The following RGL1 variants were observed in gnomAD, a reference collection of about 807,000 sequenced individuals.
RGL1 encodes ral guanine nucleotide dissociation stimulator-like 1.
RGL1 carries 24 observed loss-of-function variants against 95.2 expected under a neutral mutation model. The ratio of observed to expected loss-of-function variants is 0.25; its 90% CI spans 0.18 to 0.35. RGL1 has a LOEUF of 0.35. Among genes scored for constraint, RGL1 ranks in the 10% least tolerant of loss-of-function variants. The pLI is 1.00. For synonymous variants in RGL1, 329 were observed against 344.9 expected (o/e 0.95, Z 0.51); for missense variants, 715 against 936.3 (o/e 0.76, Z 3.08).
chr1:183,797,328 C>A (rs1011780189), intron 2 of RGL1, among the ~76,000 whole-genome samples: 1 of 150,916 alleles, frequency 6.6e-6, no homozygotes, highest in Non-Finnish European at 1.5e-5. Context: ...GACTCCATCT[C>A]AAAAAAAAAT....
intron 1 of RGL1, among the ~76,000 whole-genome samples, chr1:183,697,042 C>T (rs1226184534): frequency 6.6e-6 from 1 of 152,156 alleles, no homozygotes; most frequent in African/African-American, 2.4e-5. Flanking sequence ...CAGTAGCTCC[C>T]AATTACAATA....
At chr1:183,905,070 G>A (rs557502987) in intron 13 of RGL1, 99 bp downstream of exon 13, 27 of 1,421,242 alleles carry the variant, frequency 1.9e-5, no homozygotes, top group Admixed American at 7.3e-5. Flanking sequence ...CAACTATTTA[G>A]TGAGCAGCTG....
chr1:183,738,440 A>T (rs924420966), intron 1 of RGL1, among the ~76,000 whole-genome samples: 1 of 152,086 alleles, frequency 6.6e-6, no homozygotes, highest in Non-Finnish European at 1.5e-5. Context: ...AGAAAGAAAA[A>T]GAAAGAAGTC....
chr1:183,887,765 C>T (rs74133020), intron 7 of RGL1, among the ~76,000 whole-genome samples: 2,617 of 152,276 alleles, frequency 0.017, 83 homozygotes, highest in African/African-American at 0.061. Flanking sequence ...TCTCCTTACC[C>T]AGAAAATGGC....
At chr1:183,802,300 C>A (rs1661035302), upstream of RGL1, among the ~76,000 whole-genome samples, 1 of 152,090 alleles carries the variant, frequency 6.6e-6, no homozygotes, top group Non-Finnish European at 1.5e-5. Context: ...ATCTGTGTGT[C>A]TGTCTTTATG....
chr1:183,655,474 C>T (rs1651089423), intron 1 of RGL1, among the ~76,000 whole-genome samples: 3 of 152,042 alleles, frequency 2.0e-5, no homozygotes, highest in Admixed American at 1.3e-4. Context: ...TAACAAACTA[C>T]GTGATAAAAG....
intron 2 of RGL1, among the ~76,000 whole-genome samples, chr1:183,785,204 C>G (rs749949032): frequency 6.6e-6 from 1 of 152,206 alleles, no homozygotes; most frequent in Non-Finnish European, 1.5e-5. Context: ...ATGGCCCCCA[C>G]CCTCTTTGTC....
chr1:183,844,474 T>TG (rs1027774805), intron 2 of RGL1, among the ~76,000 whole-genome samples: 6 of 152,330 alleles, frequency 3.9e-5, no homozygotes, highest in African/African-American at 1.4e-4. Flanking sequence ...ACCCCTCTCT[T>TG]GGAGTTGAAT....
intron 1 of RGL1, among the ~76,000 whole-genome samples, chr1:183,702,807 C>T (rs193217836): frequency 1.0e-3 from 154 of 152,264 alleles, no homozygotes; most frequent in African/African-American, 3.5e-3. Flanking sequence ...ACCCTGAAAG[C>T]GCACCAACGA....
At chr1:183,801,722 A>T (rs192032760), upstream of RGL1, among the ~76,000 whole-genome samples, 93 of 152,340 alleles carry the variant, frequency 6.1e-4, 1 homozygote, top group African/African-American at 2.2e-3. Context: ...TGACGCCAAC[A>T]TCTGCATCTG....
intron 2 of RGL1, among the ~76,000 whole-genome samples, chr1:183,746,022 AT>A (rs34076328): frequency 0.49 from 70,183 of 143,412 alleles, 16,946 homozygotes; most frequent in East Asian, 0.83. Flanking sequence ...CCTTCAATTC[AT>A]TTTTTTTTTT....
rs1657344268 is a variant in RGL1, at chr1:183,742,106, C to T, written c.-32-20C>T. ...TTACCCATTGTTTTAACCTGGATCA[C>T]ACTTTATTCTTCCACACAGATCCGT... is the stretch of plus-strand genomic sequence containing the variant. On this transcript the variant is annotated intron_variant, in intron 1 of 18. Coordinates refer to the RGL1 transcript ENST00000304685. 3.7e-6 allele frequency: 6 copies of T among 1,602,368 alleles called. No homozygotes were observed. The South Asian group carries it at 4.5e-5, about 12-fold the overall frequency.
At chr1:183,810,402 G>T (rs990601915) in intron 2 of RGL1, among the ~76,000 whole-genome samples, 1 of 152,242 alleles carries the variant, frequency 6.6e-6, no homozygotes, top group African/African-American at 2.4e-5. Flanking sequence ...TGGTCATGCA[G>T]TCCTTGTGGT....
intron 2 of RGL1, among the ~76,000 whole-genome samples, chr1:183,819,974 G>T (rs190638760): frequency 5.9e-5 from 9 of 151,788 alleles, no homozygotes; most frequent in Admixed American, 3.3e-4. Flanking sequence ...TTGTAGAGAT[G>T]GGGGGTCTCG....
At chr1:183,771,709 G>T (rs1204113493) in intron 2 of RGL1, among the ~76,000 whole-genome samples, 2 of 152,086 alleles carry the variant, frequency 1.3e-5, no homozygotes, top group African/African-American at 4.8e-5. Flanking sequence ...CGGAGGACAT[G>T]GTCCCTGGCT....
chr1:183,861,935 A>G (rs1665533757), intron 3 of RGL1, among the ~76,000 whole-genome samples: 1 of 152,210 alleles, frequency 6.6e-6, no homozygotes, highest in Admixed American at 6.5e-5. Context: ...AACCTTCTTA[A>G]TCTAGTAGTA....
In RGL1 at chr1:183,695,162, A is replaced by G. The variant is rs12078929; in HGVS notation, c.-32-46964A>G. Among the ~76,000 whole-genome samples, 279 of 152,356 alleles carry G rather than the reference A, an allele frequency of 1.8e-3. 6 individuals are homozygous for G. The East Asian group carries it at 0.042, about 23-fold the overall frequency. ...TATGACATCATGTCTGTGGCCCCCA[A>G]AAGCTTCCAGGAAAGCATCGGCTTG... On this transcript the variant is annotated intron_variant, in intron 1 of 18. Coordinates refer to the RGL1 transcript ENST00000304685.
intron 2 of RGL1, among the ~76,000 whole-genome samples, chr1:183,822,503 G>A (rs895375026): frequency 2.0e-5 from 3 of 152,034 alleles, no homozygotes; most frequent in Non-Finnish European, 2.9e-5. Flanking sequence ...AGGAACAGGC[G>A]GCCTTTTGCC....
chr1:183,820,053 C>G (rs1278074603), intron 2 of RGL1, among the ~76,000 whole-genome samples: 1 of 152,044 alleles, frequency 6.6e-6, no homozygotes, highest in Non-Finnish European at 1.5e-5. Context: ...CCCTAAAGTG[C>G]TGGGATTACA....
Sources: allele counts gnomAD v4.1 joint callset (sites outside exome capture counted in the v4.1 genomes callset), GRCh38; gene constraint gnomAD v4.1.1; transcripts MANE v1.5; gene names NCBI Gene and HGNC (gene_info 2026-07-23, HGNC 2026-07-21).